Variants in DNMBP observed in about 807,000 individuals in gnomAD.
DNMBP encodes the protein dynamin-binding protein.
DNMBP carries 87 observed loss-of-function variants against 150.0 expected under a neutral mutation model. That is an observed-to-expected ratio of 0.58 (90% CI 0.49 to 0.69). DNMBP has a LOEUF of 0.69. Ranked by LOEUF, DNMBP falls within the 30% of genes least tolerant of loss-of-function variation. The pLI is 0.00. For missense variants in DNMBP, 1,774 were observed against 1,949.0 expected, an observed-to-expected ratio of 0.91 and a Z score of 1.69; for synonymous variants, 711 against 750.4, an observed-to-expected ratio of 0.95 and a Z score of 0.86.
chr10:99,913,886 T>C (rs2039931267), intron 4 of DNMBP: 1 of 1,273,202 alleles, frequency 7.9e-7, no homozygotes, highest in Non-Finnish European at 1.0e-6. Context: ...CAGGTGCCCT[T>C]GAACAGGGAC....
intron 1 of DNMBP, among the ~76,000 whole-genome samples, chr10:99,980,937 G>A (rs1314571165): frequency 6.6e-6 from 1 of 152,186 alleles, no homozygotes; most frequent in African/African-American, 2.4e-5. Context: ...GTAGGGGCGA[G>A]AAGAGGAGAT....
intron 6 of DNMBP, among the ~76,000 whole-genome samples, chr10:99,903,341 T>G (rs1371480925): frequency 6.7e-6 from 1 of 150,040 alleles, no homozygotes; most frequent in East Asian, 2.0e-4. Flanking sequence ...TTTTGTTTTG[T>G]TTTTTTTTAA....
chr10:99,893,820 T>A (rs2039612399), intron 11 of DNMBP, among the ~76,000 whole-genome samples: 2 of 152,158 alleles, frequency 1.3e-5, no homozygotes, highest in Non-Finnish European at 2.9e-5. Flanking sequence ...ATCTCCCACC[T>A]ACACACACAT....
chr10:99,953,812 T>G (rs2040449583), intron 4 of DNMBP, among the ~76,000 whole-genome samples: 1 of 49,252 alleles, frequency 2.0e-5, no homozygotes, highest in Non-Finnish European at 4.1e-5. Flanking sequence ...AGACTCTGTC[T>G]CAAAAAAAAA....
At chr10:99,994,564 T>C (rs1000736348) in intron 1 of DNMBP, among the ~76,000 whole-genome samples, 3 of 152,170 alleles carry the variant, frequency 2.0e-5, no homozygotes, top group Non-Finnish European at 4.4e-5. Context: ...GACAACGCAA[T>C]TGACGTGCCC....
chr10:99,888,841 T>C lies in DNMBP; in HGVS notation c.3269A>G (p.Gln1090Arg). 6.2e-7 allele frequency: 1 copy of C among 1,614,116 alleles called. No homozygotes were observed. Among genetic ancestry groups the C allele is most frequent in the Non-Finnish European group, 8.5e-7 (1 of 1,179,988 alleles). Residue 1090 changes from glutamine (Q) to arginine (R), a missense_variant, in exon 12 of 17, where the codon CAG becomes CGG. Transcript: ENST00000324109. ...GTTACTTACAAAGTTTGTGAAGAGCTGGTCACTGATGTAGCGATGCACCCT... is the reference window on the plus strand; with the variant it reads ...GTTACTTACAAAGTTTGTGAAGAGCCGGTCACTGATGTAGCGATGCACCCT... ...FERVHRYISD[Q>R]LFTNFKERTE...
chr10:99,964,885 A>AAAAT (rs1554871063), intron 3 of DNMBP, among the ~76,000 whole-genome samples: 3 of 135,968 alleles, frequency 2.2e-5, no homozygotes, highest in African/African-American at 8.4e-5. Context: ...AAAAAAAAAA[A>AAAAT]ATATATATAT....
At chr10:100,000,865 A>C (rs11190358) in intron 1 of DNMBP, among the ~76,000 whole-genome samples, 30 of 133,324 alleles carry the variant, frequency 2.3e-4, no homozygotes, top group South Asian at 1.6e-3. Context: ...ATGGCAAAAA[A>C]AAAAAAAAAA....
At chr10:100,008,099 A>T (rs768854410) in intron 1 of DNMBP, among the ~76,000 whole-genome samples, 5 of 152,238 alleles carry the variant, frequency 3.3e-5, no homozygotes, top group Non-Finnish European at 5.9e-5. Flanking sequence ...GCCAAAAGCC[A>T]GGCTCGGTGG....
intron 11 of DNMBP, among the ~76,000 whole-genome samples, chr10:99,890,198 C>G (rs1419641556): frequency 6.6e-6 from 1 of 152,172 alleles, no homozygotes; most frequent in Non-Finnish European, 1.5e-5. Context: ...GTGATGTCCT[C>G]TTGTTTTCTT....
intron 9 of DNMBP, among the ~76,000 whole-genome samples, chr10:99,897,474 T>C (rs968110296): frequency 1.2e-4 from 19 of 152,208 alleles, no homozygotes; most frequent in African/African-American, 4.3e-4. Context: ...GCTCCATAAA[T>C]GAGGTGAGGA....
chr10:99,880,327 C>G lies in DNMBP; in HGVS notation c.4032G>C (p.Lys1344Asn). The part of the protein sequence containing the change: ...TKGFVYSSFL[K>N]PYNPRRSHSD... ...AGTGGCTGCGGCGAGGATTGTAGGGCTTTAGGAAAGAGCTGTACACGAAGC... is the reference window on the plus strand; with the variant it reads ...AGTGGCTGCGGCGAGGATTGTAGGGGTTTAGGAAAGAGCTGTACACGAAGC... Residue 1344 changes from lysine to asparagine, a missense_variant, in exon 16 of 17, where the codon AAG becomes AAC. Lys to Asn is a moderately conservative substitution (Grantham distance 94). This residue lies in a region of DNMBP where 1,430 missense variants were observed against 1,492.5 expected (regional missense o/e 0.96). Transcript: ENST00000324109. 6.2e-7 allele frequency: 1 copy of G among 1,607,382 alleles called. No individual in the cohort carries two copies. The highest frequency in any genetic ancestry group is 8.5e-7 in the Non-Finnish European group (1 of 1,177,484).
rs1564744772 is a variant in DNMBP, at chr10:99,955,590, G to T, written c.1884C>A (p.Asp628Glu). The T allele has an allele frequency of 6.2e-7, 1 of 1,613,170 alleles. No homozygotes were observed. The highest frequency in any genetic ancestry group is 1.1e-5 in the South Asian group (1 of 90,988). Residue 628 changes from aspartate (D) to glutamate (E), a missense_variant, in exon 4 of 17, where the codon GAC becomes GAA. Around this residue, in one of 2 missense-constraint regions of DNMBP, gnomAD observed 1,430 missense variants for 1,492.5 expected, o/e 0.96. Transcript: ENST00000324109. The part of the protein sequence containing the change: ...PVSTSPHLLV[D>E]QNLKPAPPLV... ...AGGGTGGTGCAGGTTTTAGGTTCTG[G>T]TCAACCAGCAAATGGGGAGAAGTGG...
intron 4 of DNMBP, among the ~76,000 whole-genome samples, chr10:99,944,435 G>A (rs1446282423): frequency 1.3e-5 from 2 of 152,092 alleles, no homozygotes; most frequent in South Asian, 2.1e-4. Flanking sequence ...TATGTACTGG[G>A]AAACCTGAAA....
intron 11 of DNMBP, among the ~76,000 whole-genome samples, chr10:99,892,726 T>C (rs1171967768): frequency 6.7e-6 from 1 of 148,952 alleles, no homozygotes; most frequent in Non-Finnish European, 1.5e-5. Context: ...CAAATCCCCC[T>C]CTGTGAGAAA....
In DNMBP at chr10:99,876,258, G is replaced by A. The variant is rs537303402; in HGVS notation, c.*893C>T. 1 of 152,172 alleles carries A rather than the reference G, an allele frequency of 6.6e-6. No homozygotes were observed. Among genetic ancestry groups the A allele is most frequent in the South Asian group, 2.1e-4 (1 of 4,820 alleles). 9.4% of individuals were successfully genotyped at this position (152,172 alleles called of 1,614,324 possible). ...GGGGGGCCACCAGACATCACAGACT[G>A]TGTAAAGACCATCAGAAAGGTGTCA... On this transcript the variant is annotated 3_prime_UTR_variant, in exon 17 of 17. Coordinates refer to ENST00000324109, the MANE Select transcript of DNMBP (RefSeq NM_015221.4).
intron 4 of DNMBP, chr10:99,929,598 G>C: frequency 1.5e-6 from 1 of 654,580 alleles, no homozygotes; most frequent in South Asian, 1.7e-5. Flanking sequence ...AAGGCTGGCT[G>C]AGTTCATACC....
At chr10:99,929,885 A>G (rs1256610159) in intron 4 of DNMBP, 1 of 702,902 alleles carries the variant, frequency 1.4e-6, no homozygotes, top group East Asian at 2.7e-5. Flanking sequence ...TATACTCCAA[A>G]TTCTCCATTT....
intron 11 of DNMBP, among the ~76,000 whole-genome samples, chr10:99,892,979 G>A (rs1020581415): frequency 6.6e-6 from 1 of 152,118 alleles, no homozygotes; most frequent in Non-Finnish European, 1.5e-5. Context: ...AATAGATACA[G>A]AGATCAACAA....
Sources: allele counts gnomAD v4.1 joint callset (sites outside exome capture counted in the v4.1 genomes callset), GRCh38; gene constraint gnomAD v4.1.1; regional missense constraint gnomAD v4.1.1; transcripts MANE v1.5; gene names NCBI Gene and HGNC (gene_info 2026-07-23, HGNC 2026-07-21).